MTAP: variants seen among roughly 807,000 people sequenced by gnomAD.
MTAP encodes the protein methylthioadenosine phosphorylase, also known as S-methyl-5'-thioadenosine phosphorylase.
Under a neutral mutation model 33.6 loss-of-function variants are expected in MTAP, and 33 were observed. The ratio of observed to expected loss-of-function variants is 0.98; its 90% CI spans 0.74 to 1.31. The LOEUF (loss-of-function observed/expected upper bound fraction) is 1.31. Ranked by LOEUF, MTAP falls within the 40% of genes most tolerant of loss-of-function variation. The probability of loss-of-function intolerance (pLI) is 0.00; values close to 1 mark genes in which losing one functional copy is unlikely to be tolerated. For synonymous variants in MTAP, 148 were observed against 125.7 expected (o/e 1.18, Z -1.19); for missense variants, 367 against 360.0 (o/e 1.02, Z -0.16).
In MTAP at chr9:21,864,013, GT is replaced by G; in HGVS notation, c.*2000del. ...CAGGCTTCTCTAGCTCTGGTAACGT[GT>G]GATTGTTTTCACTACAATATGATAC... On this transcript the variant is annotated 3_prime_UTR_variant, in exon 8 of 8. Coordinates refer to ENST00000644715, the MANE Select transcript of MTAP (RefSeq NM_002451.4). 1 of 985,636 alleles carries G rather than the reference GT, an allele frequency of 1.0e-6. No individual in the cohort carries two copies. Among genetic ancestry groups the G allele is most frequent in the Non-Finnish European group, 1.2e-6 (1 of 829,924 alleles). The allele number at this position is 985,636 out of a possible 1,614,324, so 61.1% of individuals were successfully genotyped here.
chr9:21,852,397 GC>G (rs1825534735), intron 5 of MTAP, among the ~76,000 whole-genome samples: 1 of 151,678 alleles, frequency 6.6e-6, no homozygotes, highest in Admixed American at 6.6e-5. Context: ...TGTAATCCCA[GC>G]TAATCAGGAG....
In MTAP at chr9:21,862,857, C is replaced by T. The variant is rs1825781912; in HGVS notation, c.*843C>T. On this transcript the variant is annotated 3_prime_UTR_variant, in exon 8 of 8. Transcript: ENST00000644715. ...GGGATACTGGGATAATTTTTATTTT[C>T]TTTGAATCTTTCTGTGTCTTCACAT... is the stretch of plus-strand genomic sequence containing the variant. 4.1e-6 allele frequency: 3 copies of T among 734,148 alleles called. No individual in the cohort carries two copies. The highest frequency in any genetic ancestry group is 1.3e-4 in the South Asian group (2 of 15,916). 45.5% of individuals were successfully genotyped at this position (734,148 alleles called of 1,614,324 possible).
Position 21,866,213 on chromosome 9 carries a change from G to C in MTAP, c.*4199G>C, listed in dbSNP as rs1251892302. ...GTGAACTATCTGTACAAATATTTTT[G>C]TTTATTAAAAAATTAGATTGTTTTG... On this transcript the variant is annotated 3_prime_UTR_variant, in exon 8 of 8. Coordinates refer to ENST00000644715, the MANE Select transcript of MTAP (RefSeq NM_002451.4). 1 of 151,990 alleles carries C rather than the reference G, an allele frequency of 6.6e-6. No individual in the cohort carries two copies. Among genetic ancestry groups the C allele is most frequent in the Non-Finnish European group, 1.5e-5 (1 of 67,954 alleles). The allele number at this position is 151,990 out of a possible 1,614,324, so 9.4% of individuals were successfully genotyped here.
chr9:21,888,725 G>A (rs1391115614), intron 1 of MTAP, among the ~76,000 whole-genome samples: 2 of 152,090 alleles, frequency 1.3e-5, no homozygotes, highest in African/African-American at 4.8e-5. Flanking sequence ...TGTTAGGTGA[G>A]TCTCTTGAAG....
Position 21,823,536 on chromosome 9 carries a change from T to C in MTAP, c.347+5334T>C, listed in dbSNP as rs13297089. ...GTAACCCGACCTTTCTCTCTGGCTG[T>C]CCTTAACATTTTTTCCTTCATTTCA... On this transcript the variant is annotated intron_variant, in intron 4 of 7. Coordinates refer to ENST00000644715, the MANE Select transcript of MTAP (RefSeq NM_002451.4). Among the ~76,000 whole-genome samples the C allele has an allele frequency of 7.7e-3, 1,168 of 152,278 alleles. 8 individuals are homozygous for C. Among genetic ancestry groups the C allele is most frequent in the Non-Finnish European group, 0.013 (885 of 68,018 alleles).
At chr9:21,887,608 A>G (rs916245808) in intron 1 of MTAP, among the ~76,000 whole-genome samples, 1 of 152,174 alleles carries the variant, frequency 6.6e-6, no homozygotes, top group Non-Finnish European at 1.5e-5. Flanking sequence ...ATGATTTATA[A>G]TCCTTTGGGT....
intron 2 of MTAP, 83 bp downstream of exon 2, chr9:21,815,602 A>AAAG: frequency 9.4e-7 from 1 of 1,063,396 alleles, no homozygotes; most frequent in South Asian, 1.4e-5. Context: ...AAAAAAAAAA[A>AAAG]AAGAATTGCT....
intron 1 of MTAP, among the ~76,000 whole-genome samples, chr9:21,810,305 A>G (rs1011656875): frequency 6.6e-6 from 1 of 152,194 alleles, no homozygotes; most frequent in African/African-American, 2.4e-5. Flanking sequence ...TTGTAAGGAC[A>G]ACAGTTTTCT....
At chr9:21,851,586 T>C (rs990524694) in intron 5 of MTAP, among the ~76,000 whole-genome samples, 3 of 152,220 alleles carry the variant, frequency 2.0e-5, no homozygotes, top group African/African-American at 7.2e-5. Context: ...TTATGTATGA[T>C]CTCAGGAGAT....
At chr9:21,838,527 G>T (rs746679531) in intron 5 of MTAP, among the ~76,000 whole-genome samples, 1 of 152,218 alleles carries the variant, frequency 6.6e-6, no homozygotes, top group Non-Finnish European at 1.5e-5. Context: ...CCAATGGCTG[G>T]TAACTGCTTT....
rs1178990431 is a variant in MTAP, at chr9:21,918,112, A to C, written c.148-12896A>C. On this transcript the variant is annotated intron_variant, in intron 1 of 1. Coordinates refer to the MTAP transcript ENST00000577563. ...CCGCCTGTAATCCCAGCACTTTGGG[A>C]GGCCGAGGCGGGCGGATCACGAGGT... Among the ~76,000 whole-genome samples the C allele has an allele frequency of 1.3e-5, 2 of 148,370 alleles. 1 individual carries two copies. The highest frequency in any genetic ancestry group is 5.2e-5 in the African/African-American group (2 of 38,190).
At chr9:21,932,664 G>A (rs1818981363), downstream of MTAP, 1 of 151,982 alleles carries the variant, frequency 6.6e-6, no homozygotes. Flanking sequence ...GCCTAAAACA[G>A]CCCCATTCAT....
chr9:21,938,117 A>G (rs1340789173), downstream of MTAP, among the ~76,000 whole-genome samples: 1 of 152,132 alleles, frequency 6.6e-6, no homozygotes, highest in Non-Finnish European at 1.5e-5. Flanking sequence ...TACTAAAAAT[A>G]CAAAAAATTA....
At position 21,837,928 on chromosome 9, in the gene MTAP, C is replaced by G. The variant is rs745406543; in HGVS notation, c.368C>G (p.Ser123Cys). The change falls in exon 5 of 8, where the codon TCC becomes TGC. Residue 123 changes from serine (S) to cysteine (C), a missense_variant. Coordinates refer to ENST00000644715, the MANE Select transcript of MTAP (RefSeq NM_002451.4). ...FIDRTTMRPQ[S>C]FYDGSHSCAR... ...TGTAGGACCACTATGAGACCTCAGT[C>G]CTTCTATGATGGAAGTCATTCTTGT... is the stretch of plus-strand genomic sequence containing the variant. The G allele has an allele frequency of 3.1e-6, 5 of 1,613,886 alleles. No homozygotes were observed. In the African/African-American group the frequency reaches 5.3e-5, roughly 17 times the overall value.
chr9:21,921,375 A>G (rs1243406503), intron 1 of MTAP, among the ~76,000 whole-genome samples: 2 of 151,012 alleles, frequency 1.3e-5, no homozygotes, highest in East Asian at 3.9e-4. Flanking sequence ...TGTATTTTTT[A>G]CTCTCAATTT....
At chr9:21,833,463 G>T (rs969934762) in intron 4 of MTAP, among the ~76,000 whole-genome samples, 1 of 152,188 alleles carries the variant, frequency 6.6e-6, no homozygotes, top group African/African-American at 2.4e-5. Context: ...GGGATTACAT[G>T]TGTGAGCCTC....
At chr9:21,805,512 C>G (rs1314303816) in intron 1 of MTAP, among the ~76,000 whole-genome samples, 4 of 152,112 alleles carry the variant, frequency 2.6e-5, no homozygotes. Flanking sequence ...AGAAAAGACT[C>G]CTAGGGAGGT....
intron 5 of MTAP, among the ~76,000 whole-genome samples, chr9:21,846,459 C>G (rs1825384657): frequency 6.6e-6 from 1 of 151,222 alleles, no homozygotes; most frequent in East Asian, 1.9e-4. Context: ...AGACAATTTT[C>G]AAAACACATG....
intron 1 of MTAP, among the ~76,000 whole-genome samples, chr9:21,915,055 C>CTTTCTTTCTTTCTTTCTTTCTTTCTTT (rs1491435938): frequency 3.9e-5 from 1 of 25,858 alleles, no homozygotes; most frequent in African/African-American, 1.7e-4. Context: ...TTCCTTCCTT[C>CTTTCTTTCTTTCTTTCTTTCTTTCTTT]CTTTCTTTCT....
Sources: gnomAD v4.1 joint callset for allele counts (sites outside exome capture counted in the v4.1 genomes callset) on GRCh38, gnomAD v4.1.1 for gene constraint, MANE v1.5 for transcripts, NCBI Gene and HGNC (gene_info 2026-07-23, HGNC 2026-07-21) for gene names.